ADGRB2: variants seen among roughly 807,000 people sequenced by gnomAD.
ADGRB2 encodes the protein brain-specific angiogenesis inhibitor 2.
A neutral mutation model predicts 178.7 loss-of-function variants in ADGRB2; 47 were observed. The observed-to-expected ratio is 0.26, with a 90% CI of 0.21 to 0.34. ADGRB2 has a LOEUF of 0.34. Ranked by LOEUF, ADGRB2 falls within the 10% of genes least tolerant of loss-of-function variation. ADGRB2 has a pLI of 1.00. For missense variants in ADGRB2, 1,584 were observed against 2,180.8 expected, an observed-to-expected ratio of 0.73 and a Z score of 5.45; for synonymous variants, 870 against 912.4, an observed-to-expected ratio of 0.95 and a Z score of 0.84.
chr1:31,739,100 T>C, intron 15 of ADGRB2, 163 bp from the exon 16 acceptor site: 1 of 830,450 alleles, frequency 1.2e-6, no homozygotes. Context: ...TCTAGAGCTC[T>C]GTCCCTCACC....
intron 1 of ADGRB2, among the ~76,000 whole-genome samples, chr1:31,762,385 G>A (rs1161972475): frequency 6.6e-6 from 1 of 152,100 alleles, no homozygotes; most frequent in East Asian, 1.9e-4. Flanking sequence ...CCAGGGTCAG[G>A]TGGATTCCCC....
At position 31,740,049 on chromosome 1, in the gene ADGRB2, T is replaced by C; in HGVS notation, c.2059-15A>G. ...CCAGGGGACACCTGGGGACAGAAAG[T>C]GTGTAAGGGTCCAAGGCAGGGTGGG... On this transcript the variant is annotated splice_polypyrimidine_tract_variant and intron_variant, in intron 13 of 32. Coordinates refer to ENST00000373658, the MANE Select transcript of ADGRB2 (RefSeq NM_001364857.2). The surrounding 1 kb of genome is among the most constrained non-coding windows in gnomAD (Gnocchi z 5.9). 1.2e-6 allele frequency: 2 copies of C among 1,613,954 alleles called. No homozygotes were observed. Among genetic ancestry groups the C allele is most frequent in the Non-Finnish European group, 1.7e-6 (2 of 1,179,970 alleles).
In ADGRB2 at chr1:31,730,869, C is replaced by G; in HGVS notation, c.4311G>C (p.Glu1437Asp). ...PPTPSARQVP[E>D]PGERSRTMPR... Reference sequence around the variant, plus strand: ...GCATGGTCCGGCTGCGCTCCCCTGGCTCGGGCACTTGGCGGGCGCTGGGTG... The same window carrying G: ...GCATGGTCCGGCTGCGCTCCCCTGGGTCGGGCACTTGGCGGGCGCTGGGTG... Residue 1437 changes from glutamate (E) to aspartate (D), a missense_variant, in exon 29 of 33, where the codon GAG (glutamate) becomes GAC (aspartate). Glu to Asp is a conservative substitution (Grantham distance 45). Coordinates refer to ENST00000373658, the MANE Select transcript of ADGRB2 (RefSeq NM_001364857.2). 1.9e-6 allele frequency: 3 copies of G among 1,560,690 alleles called. No homozygotes were observed. Among genetic ancestry groups the G allele is most frequent in the Non-Finnish European group, 2.6e-6 (3 of 1,154,530 alleles).
chr1:31,759,012 C>T lies in ADGRB2; in HGVS notation c.-190-1501G>A, dbSNP rs1220057918. On this transcript the variant is annotated intron_variant, in intron 1 of 32. Transcript: ENST00000373658. This position sits in a 1 kb window ranked among gnomAD's most constrained non-coding sequence, Gnocchi z 4.3. ...GCTCAGTGGAGGGGAGGTAGGGGCTCATTATAACCGGCCTCCCCTCCCCCA... is the reference window on the plus strand; with the variant it reads ...GCTCAGTGGAGGGGAGGTAGGGGCTTATTATAACCGGCCTCCCCTCCCCCA... Among the ~76,000 whole-genome samples the T allele has an allele frequency of 1.3e-5, 2 of 152,168 alleles. No homozygotes were observed. The highest frequency in any genetic ancestry group is 4.8e-5 in the African/African-American group (2 of 41,432).
chr1:31,729,934 C>T (rs1417697465), intron 29 of ADGRB2, among the ~76,000 whole-genome samples: 1 of 152,234 alleles, frequency 6.6e-6, no homozygotes, highest in East Asian at 1.9e-4. Context: ...AAAAACTAAA[C>T]TTGTGAGCCC....
At position 31,740,308 on chromosome 1, in the gene ADGRB2, C is replaced by T; in HGVS notation, c.1989+39G>A. ...GCCTGGCCTCCCGCTTCAGTTTGGG[C>T]CTTCTCCACCCTCCGCCCTCCTTCC... On this transcript the variant is annotated intron_variant, in intron 12 of 32. Transcript: ENST00000373658. This position sits in a 1 kb window ranked among gnomAD's most constrained non-coding sequence, Gnocchi z 5.9. 1 of 1,604,834 alleles carries T rather than the reference C, an allele frequency of 6.2e-7. No homozygotes were observed. Among genetic ancestry groups the T allele is most frequent in the African/African-American group, 1.3e-5 (1 of 74,832 alleles).
Position 31,744,062 on chromosome 1 carries a change from T to C in ADGRB2, c.1087+131A>G. ...CTGGCATGGTACGCAGAGTTGGGCA[T>C]GGTGTGGGGAACAGCCACATTTGTT... On this transcript the variant is annotated intron_variant, in intron 6 of 32. Transcript: ENST00000373658. The surrounding 1 kb of genome is among the most constrained non-coding windows in gnomAD (Gnocchi z 6.7). The C allele has an allele frequency of 8.3e-7, 1 of 1,198,732 alleles. No individual in the cohort carries two copies. The highest frequency in any genetic ancestry group is 1.1e-6 in the Non-Finnish European group (1 of 873,824). The allele number at this position is 1,198,732 out of a possible 1,614,324, so 74.3% of individuals were successfully genotyped here.
chr1:31,739,857 TAGAGG>T (rs1185083570), intron 14 of ADGRB2, 64 bp downstream of exon 14: 288 of 1,429,416 alleles, frequency 2.0e-4, no homozygotes, highest in Admixed American at 1.1e-3. Flanking sequence ...CGGGGTTAGG[TAGAGG>T]AAAGACAGAA....
At chr1:31,729,589 C>T (rs1205999002) in intron 29 of ADGRB2, among the ~76,000 whole-genome samples, 2 of 152,268 alleles carry the variant, frequency 1.3e-5, no homozygotes, top group South Asian at 2.1e-4. Flanking sequence ...TGATGCCCCA[C>T]AGGCACTGCA....
Position 31,728,064 on chromosome 1 carries a change from A to T in ADGRB2, c.4533T>A (p.Ser1511Arg). 2.5e-6 allele frequency: 4 copies of T among 1,599,636 alleles called. No individual in the cohort carries two copies. Among genetic ancestry groups the T allele is most frequent in the Non-Finnish European group, 3.4e-6 (4 of 1,175,310 alleles). Residue 1511 changes from serine (S) to arginine (R), a missense_variant, in exon 32 of 33, where the codon AGT (serine) becomes AGA (arginine). Ser to Arg is a moderately radical substitution (Grantham distance 110). Coordinates refer to ENST00000373658, the MANE Select transcript of ADGRB2 (RefSeq NM_001364857.2). This position sits in a 1 kb window ranked among gnomAD's most constrained non-coding sequence, Gnocchi z 6.7. ...GCTCGGCTGCCCCACCCGAGGACAC[A>T]CTCCACCGCTTCTCCCTCTGCAACG... ...QSTAKREKRW[S>R]VSSGGAAERS...
rs1645886271 is a variant in ADGRB2, at chr1:31,740,581, G to A, written c.1795-40C>T. Reference sequence around the variant, plus strand: ...GGGGCCACAGTCACTGAAGTGTCAGGAGCTGGAACCAGACCCTGGCCCATC... The same window carrying A: ...GGGGCCACAGTCACTGAAGTGTCAGAAGCTGGAACCAGACCCTGGCCCATC... On this transcript the variant is annotated intron_variant, in intron 11 of 32. Transcript: ENST00000373658. The surrounding 1 kb of genome is among the most constrained non-coding windows in gnomAD (Gnocchi z 5.9). 20 of 1,536,966 alleles carry A rather than the reference G, an allele frequency of 1.3e-5. No individual in the cohort carries two copies. Among genetic ancestry groups the A allele is most frequent in the Non-Finnish European group, 1.8e-5 (20 of 1,140,352 alleles).
chr1:31,739,673 G>A (rs1358435037), intron 14 of ADGRB2, 38 bp from the exon 15 acceptor site: 83 of 1,541,230 alleles, frequency 5.4e-5, no homozygotes, highest in Non-Finnish European at 7.0e-5. Context: ...CAGACAGAGG[G>A]GCAGAAACAA....
chr1:31,756,778 A>C lies in ADGRB2; in HGVS notation c.59T>G (p.Leu20Ter). The C allele has an allele frequency of 6.6e-7, 1 of 1,512,264 alleles. No individual in the cohort carries two copies. Among genetic ancestry groups the C allele is most frequent in the Non-Finnish European group, 8.9e-7 (1 of 1,127,416 alleles). 93.7% of individuals were successfully genotyped at this position (1,512,264 alleles called of 1,614,324 possible). ...GHRMTPACPLLLSVILSLRLA... is the reference protein window; with the variant it reads ...GHRMTPACPL ...GCGCAGGGACAGAATCACAGACAGT[A>C]AGAGGGGACAGGCTGGGGTCATCCT... is the stretch of plus-strand genomic sequence containing the variant. The change falls in exon 4 of 33, where the codon TTA becomes TGA. Residue 20 changes from leucine (L) to a stop codon, truncating the protein, a stop_gained. Transcript: ENST00000373658. LOFTEE classifies it high-confidence loss of function. The surrounding 1 kb of genome is among the most constrained non-coding windows in gnomAD (Gnocchi z 8.5).
chr1:31,731,084 C>T lies in ADGRB2; in HGVS notation c.4096G>A (p.Gly1366Arg), dbSNP rs1292269921. Residue 1366 changes from glycine to arginine, a missense_variant, in exon 29 of 33, where the codon GGG (glycine) becomes AGG (arginine). Gly to Arg is a moderately radical substitution (Grantham distance 125). This residue lies in a region of ADGRB2 where 865 missense variants were observed against 1,192.8 expected (regional missense o/e 0.73). Coordinates refer to ENST00000373658, the MANE Select transcript of ADGRB2 (RefSeq NM_001364857.2). ...GGGGCATCCTCACCACCTCCACCCCCACCGCCAGGCTGCAGGCTCAAAGTC... is the reference window on the plus strand; with the variant it reads ...GGGGCATCCTCACCACCTCCACCCCTACCGCCAGGCTGCAGGCTCAAAGTC... The part of the protein sequence containing the change: ...RRTLSLQPGG[G>R]GGGGEDAPRA... 6.4e-6 allele frequency: 10 copies of T among 1,574,312 alleles called. No homozygotes were observed. The highest frequency in any genetic ancestry group is 8.6e-6 in the Non-Finnish European group (10 of 1,160,244).
intron 4 of ADGRB2, among the ~76,000 whole-genome samples, chr1:31,751,259 C>T (rs1001504320): frequency 2.6e-5 from 4 of 152,202 alleles, no homozygotes; most frequent in Admixed American, 6.5e-5. Context: ...AAGCATGGGG[C>T]GGAAGATGAC....
rs1480813870 is a variant in ADGRB2, at chr1:31,740,643, G to A, written c.1795-102C>T. On this transcript the variant is annotated intron_variant, in intron 11 of 32. Transcript: ENST00000373658. The surrounding 1 kb of genome is among the most constrained non-coding windows in gnomAD (Gnocchi z 5.9). The stretch of plus-strand genomic sequence containing the variant: ...CACCCACTGCTTGCATCCACGGGGA[G>A]AGAAAGGGGGAAAAGGTCAGAGAGG... The A allele has an allele frequency of 3.9e-6, 5 of 1,282,260 alleles. No homozygotes were observed. The highest frequency in any genetic ancestry group is 5.3e-6 in the Non-Finnish European group (5 of 949,754). The allele number at this position is 1,282,260 out of a possible 1,614,324, so 79.4% of individuals were successfully genotyped here.
intron 29 of ADGRB2, among the ~76,000 whole-genome samples, chr1:31,729,602 T>C (rs1645174205): frequency 1.3e-5 from 2 of 152,222 alleles, no homozygotes; most frequent in Non-Finnish European, 2.9e-5. Flanking sequence ...GCACTGCACA[T>C]GCAGCTCACA....
chr1:31,760,731 A>T (rs1035548012), intron 1 of ADGRB2: 4 of 151,548 alleles, frequency 2.6e-5, no homozygotes, highest in African/African-American at 9.7e-5. Context: ...GCCGCCACGC[A>T]GGCGGTGACC....
Position 31,727,681 on chromosome 1 carries a change from T to C in ADGRB2, c.4573-76A>G, listed in dbSNP as rs922672265. 1 of 1,382,444 alleles carries C rather than the reference T, an allele frequency of 7.2e-7. No homozygotes were observed. The highest frequency in any genetic ancestry group is 9.5e-7 in the Non-Finnish European group (1 of 1,056,264). The allele number at this position is 1,382,444 out of a possible 1,614,324, so 85.6% of individuals were successfully genotyped here. A position where few individuals can be genotyped will look rare whatever the true frequency, so the allele number is the denominator to read the frequency against. On this transcript the variant is annotated intron_variant, in intron 32 of 32. Coordinates refer to ENST00000373658, the MANE Select transcript of ADGRB2 (RefSeq NM_001364857.2). This position sits in a 1 kb window ranked among gnomAD's most constrained non-coding sequence, Gnocchi z 4.4. ...TTGTACAGACGATCAAACTGAGGAG[T>C]CCCAGAGAGGGCTGGTAATGCCCAA...
Sources: gnomAD v4.1 joint callset for allele counts (sites outside exome capture counted in the v4.1 genomes callset) on GRCh38, gnomAD v4.1.1 for gene constraint, gnomAD v4.1.1 regional missense constraint, Gnocchi (gnomAD v3.1) non-coding constraint, MANE v1.5 for transcripts, NCBI Gene and HGNC (gene_info 2026-07-23, HGNC 2026-07-21) for gene names.